SCG5: variants seen among roughly 807,000 people sequenced by gnomAD.
SCG5 encodes neuroendocrine protein 7B2.
SCG5 carries 18 observed loss-of-function variants against 25.7 expected under a neutral mutation model. The observed-to-expected ratio is 0.70, with a 90% CI of 0.48 to 1.04. SCG5 has a LOEUF of 1.04. Among genes scored for constraint, SCG5 ranks in the 50% least tolerant of loss-of-function variants. The pLI is 0.00. For synonymous variants in SCG5, 101 were observed against 91.7 expected (o/e 1.10, Z -0.58); for missense variants, 206 against 259.8 (o/e 0.79, Z 1.42).
intron 5 of SCG5, among the ~76,000 whole-genome samples, chr15:32,696,307 C>T (rs956287299): frequency 2.6e-5 from 4 of 151,998 alleles, no homozygotes; most frequent in African/African-American, 7.2e-5. Context: ...TTAGTACAGA[C>T]GGGGTTTCAC....
At chr15:32,674,730 G>A (rs1206988980) in intron 2 of SCG5, among the ~76,000 whole-genome samples, 1 of 152,168 alleles carries the variant, frequency 6.6e-6, no homozygotes, top group Non-Finnish European at 1.5e-5. Flanking sequence ...CAAGGCCAGG[G>A]AGAGACTCAA....
intron 2 of SCG5, among the ~76,000 whole-genome samples, chr15:32,657,199 G>GTATATATATACATATATATATATATA (rs2054132056): frequency 3.0e-4 from 2 of 6,674 alleles, no homozygotes; most frequent in African/African-American, 1.0e-3. Flanking sequence ...TCATCCTCCT[G>GTATATATATACATATATATATATATA]TATATATATA....
chr15:32,643,327 C>T (rs1323814006), intron 1 of SCG5, among the ~76,000 whole-genome samples: 3 of 152,104 alleles, frequency 2.0e-5, no homozygotes, highest in Non-Finnish European at 4.4e-5. Context: ...GAGTGAGAAC[C>T]GCCATTCCAG....
At chr15:32,661,391 G>A (rs2054215062) in intron 2 of SCG5, among the ~76,000 whole-genome samples, 1 of 152,168 alleles carries the variant, frequency 6.6e-6, no homozygotes. Flanking sequence ...AGGCCGAGGC[G>A]GGCGGATCAC....
chr15:32,655,239 C>T (rs1047739005), intron 2 of SCG5, among the ~76,000 whole-genome samples: 9 of 151,696 alleles, frequency 5.9e-5, no homozygotes, highest in South Asian at 2.1e-4. Flanking sequence ...ACCCAGGAGG[C>T]GGAGCTTGCA....
chr15:32,664,918 T>C (rs749808481), intron 2 of SCG5, among the ~76,000 whole-genome samples: 2 of 152,200 alleles, frequency 1.3e-5, no homozygotes, highest in Non-Finnish European at 2.9e-5. Flanking sequence ...ATTCCCTCCC[T>C]GCTGTGGTCT....
intron 2 of SCG5, among the ~76,000 whole-genome samples, chr15:32,647,208 T>G (rs961526744): frequency 6.6e-6 from 1 of 152,214 alleles, no homozygotes; most frequent in Non-Finnish European, 1.5e-5. Context: ...AAATAAAGTT[T>G]TAGCATGGAT....
intron 2 of SCG5, 88 bp from the exon 3 acceptor site, chr15:32,679,678 G>A (rs549152397): frequency 1.4e-6 from 2 of 1,414,236 alleles, no homozygotes; most frequent in African/African-American, 2.8e-5. Flanking sequence ...AGAAGGCACA[G>A]GGCTTTTCCT....
chr15:32,676,619 G>T (rs1329406325), intron 2 of SCG5, among the ~76,000 whole-genome samples: 1 of 152,070 alleles, frequency 6.6e-6, no homozygotes, highest in Non-Finnish European at 1.5e-5. Context: ...GGAATCATAG[G>T]TATCCCTACA....
chr15:32,660,375 T>C (rs1321921064), intron 2 of SCG5, among the ~76,000 whole-genome samples: 1 of 152,228 alleles, frequency 6.6e-6, no homozygotes, highest in Non-Finnish European at 1.5e-5. Flanking sequence ...ACTGCCTCAA[T>C]GTGTCCATGC....
At chr15:32,693,556 A>G (rs1595824512) in intron 5 of SCG5, among the ~76,000 whole-genome samples, 1 of 152,308 alleles carries the variant, frequency 6.6e-6, no homozygotes. Flanking sequence ...AAAGACATTA[A>G]CACTGCCCCA....
chr15:32,660,573 A>G (rs2054199691), intron 2 of SCG5, among the ~76,000 whole-genome samples: 2 of 152,234 alleles, frequency 1.3e-5, no homozygotes, highest in African/African-American at 4.8e-5. Context: ...AAAGGATCCA[A>G]CTAACCCAGA....
chr15:32,643,203 CTT>C (rs1437960035), intron 1 of SCG5, among the ~76,000 whole-genome samples: 1 of 152,168 alleles, frequency 6.6e-6, no homozygotes, highest in Non-Finnish European at 1.5e-5. Flanking sequence ...GCCACTATCT[CTT>C]TCTCAAAATG....
At chr15:32,644,596 G>A (rs967145062) in intron 2 of SCG5, among the ~76,000 whole-genome samples, 19 of 152,142 alleles carry the variant, frequency 1.2e-4, no homozygotes, top group Admixed American at 5.9e-4. Context: ...ATGAGCTGGT[G>A]ATGCAGCGTT....
In SCG5 at chr15:32,692,245, T is replaced by A. The variant is rs2054872151; in HGVS notation, c.543+482T>A. Reference sequence around the variant, plus strand: ...AGATGAGATGAACAAACTTAATTTCTCCTATGTATCTTTTTTTCTTGGCCT... The same window carrying A: ...AGATGAGATGAACAAACTTAATTTCACCTATGTATCTTTTTTTCTTGGCCT... On this transcript the variant is annotated intron_variant, in intron 5 of 5. Coordinates refer to ENST00000300175, the MANE Select transcript of SCG5 (RefSeq NM_001144757.3). 10 of 989,256 alleles carry A rather than the reference T, an allele frequency of 1.0e-5. No individual in the cohort carries two copies. In the South Asian group the frequency reaches 4.2e-4, roughly 42 times the overall value. 61.3% of individuals were successfully genotyped at this position (989,256 alleles called of 1,614,324 possible).
intron 2 of SCG5, among the ~76,000 whole-genome samples, chr15:32,676,925 A>T (rs921463884): frequency 8.5e-5 from 13 of 152,236 alleles, no homozygotes; most frequent in African/African-American, 3.1e-4. Context: ...TGTTAGTAGT[A>T]GATTTTAACA....
chr15:32,647,352 C>T (rs958671722), intron 2 of SCG5, among the ~76,000 whole-genome samples: 2 of 152,142 alleles, frequency 1.3e-5, no homozygotes, highest in Admixed American at 1.3e-4. Flanking sequence ...AAATATCTAT[C>T]TTGTCTACTT....
At chr15:32,661,345 T>A (rs2054213938) in intron 2 of SCG5, among the ~76,000 whole-genome samples, 1 of 152,090 alleles carries the variant, frequency 6.6e-6, no homozygotes, top group Admixed American at 6.5e-5. Flanking sequence ...CCAGGCCAGG[T>A]GCGGTGGCTC....
intron 2 of SCG5, among the ~76,000 whole-genome samples, chr15:32,662,977 A>C (rs2054245756): frequency 6.9e-6 from 1 of 145,624 alleles, no homozygotes; most frequent in Admixed American, 7.1e-5. Context: ...GAGTTGGTGC[A>C]CGTGTGTTTG....
Sources: gnomAD v4.1 joint callset for allele counts (sites outside exome capture counted in the v4.1 genomes callset) on GRCh38, gnomAD v4.1.1 for gene constraint, MANE v1.5 for transcripts, NCBI Gene and HGNC (gene_info 2026-07-23, HGNC 2026-07-21) for gene names.